Variants in HIPK3 observed in about 807,000 individuals in gnomAD.
HIPK3 encodes the protein homeodomain interacting protein kinase 3, also known as homeodomain-interacting protein kinase 3.
A neutral mutation model predicts 124.2 loss-of-function variants in HIPK3; 47 were observed. The observed-to-expected ratio is 0.38, with a 90% CI of 0.30 to 0.48. The LOEUF (loss-of-function observed/expected upper bound fraction) is 0.48. Ranked by LOEUF, HIPK3 falls within the 20% of genes least tolerant of loss-of-function variation. The probability of loss-of-function intolerance (pLI) is 0.98; values close to 1 mark genes in which losing one functional copy is unlikely to be tolerated. For missense variants in HIPK3, 1,286 were observed against 1,454.3 expected, an observed-to-expected ratio of 0.88 and a Z score of 1.88; for synonymous variants, 482 against 515.2, an observed-to-expected ratio of 0.94 and a Z score of 0.87.
At position 33,356,758 on chromosome 11, in the gene HIPK3, C is replaced by T. The variant is rs1475176118; in HGVS notation, c.*3190C>T. ...TTTGGTTTATTTGTTTTTGCTTTTA[C>T]TCCTATGCTACACTAGTTTGCCATG... On this transcript the variant is annotated 3_prime_UTR_variant, in exon 17 of 17. Transcript: ENST00000303296. 3 of 152,046 alleles carry T rather than the reference C, an allele frequency of 2.0e-5. No individual in the cohort carries two copies. The highest frequency in any genetic ancestry group is 2.9e-5 in the Non-Finnish European group (2 of 67,956). The allele number at this position is 152,046 out of a possible 1,614,324, so 9.4% of individuals were successfully genotyped here.
chr11:33,341,846 T>A (rs956573127), intron 8 of HIPK3, among the ~76,000 whole-genome samples, 160 bp downstream of exon 8: 2 of 152,188 alleles, frequency 1.3e-5, no homozygotes, highest in African/African-American at 4.8e-5. Context: ...ACGCCTGTAA[T>A]CCCAGCACTT....
chr11:33,258,205 G>GCCCCCC, intron 1 of HIPK3: 13 of 642,186 alleles, frequency 2.0e-5, no homozygotes, highest in Non-Finnish European at 2.5e-5. Flanking sequence ...GGGGGCCTCG[G>GCCCCCC]CCCCCCCTCC....
At chr11:33,340,227 G>T (rs1451784121) in intron 6 of HIPK3, among the ~76,000 whole-genome samples, 1 of 152,118 alleles carries the variant, frequency 6.6e-6, no homozygotes, top group Non-Finnish European at 1.5e-5. Context: ...GGGACTACAG[G>T]CATACGCCAC....
chr11:33,348,968 C>T, intron 13 of HIPK3, 150 bp downstream of exon 13: 1 of 928,320 alleles, frequency 1.1e-6, no homozygotes, highest in Non-Finnish European at 1.6e-6. Context: ...AGGGAACTTT[C>T]TAAATAACAT....
chr11:33,353,496 C>G lies in HIPK3; in HGVS notation c.3576C>G (p.Tyr1192Ter), dbSNP rs141882893. The change falls in exon 17 of 17, where the codon TAC becomes TAG. Residue 1192 changes from tyrosine to a stop codon, truncating the protein, a stop_gained. Transcript: ENST00000303296. LOFTEE classifies it high-confidence loss of function. ...AACCAATCTTCCCACCACATTCTTA[C>G]ATTGCAGCATCACCTGCATATACTG... ...QYKPIFPPHS[Y>*]IAASPAYTGF... 6.2e-7 allele frequency: 1 copy of G among 1,614,116 alleles called. No individual in the cohort carries two copies. The highest frequency in any genetic ancestry group is 8.5e-7 in the Non-Finnish European group (1 of 1,179,946).
At chr11:33,285,567 CAAAA>C (rs10573152) in intron 1 of HIPK3, among the ~76,000 whole-genome samples, 29,064 of 146,440 alleles carry the variant, frequency 0.2, 3,302 homozygotes, top group East Asian at 0.3. Flanking sequence ...AACTCTGTCT[CAAAA>C]AAAAAAAATA....
intron 2 of HIPK3, among the ~76,000 whole-genome samples, chr11:33,295,613 C>T (rs1208085360): frequency 6.6e-6 from 1 of 152,242 alleles, no homozygotes; most frequent in Non-Finnish European, 1.5e-5. Flanking sequence ...TTACATCTTT[C>T]TTTGCCTTCA....
intron 14 of HIPK3, among the ~76,000 whole-genome samples, chr11:33,350,730 G>A (rs1338998817): frequency 1.3e-5 from 2 of 152,042 alleles, no homozygotes; most frequent in Non-Finnish European, 2.9e-5. Context: ...TCTTATTTTA[G>A]TGGCAACAAA....
chr11:33,257,683 G>C lies in HIPK3; in HGVS notation c.-209G>C. The C allele has an allele frequency of 4.0e-6, 4 of 994,672 alleles. No individual in the cohort carries two copies. The highest frequency in any genetic ancestry group is 4.8e-6 in the Non-Finnish European group (4 of 836,846). The allele number at this position is 994,672 out of a possible 1,614,324, so 61.6% of individuals were successfully genotyped here. A position where few individuals can be genotyped will look rare whatever the true frequency, so the allele number is the denominator to read the frequency against. ...AGCAGCCAGAGCAGCAGCAGCAGCA[G>C]CAGCGGTCGGGGGAGGGTGTTTCGC... On this transcript the variant is annotated 5_prime_UTR_variant, in exon 1 of 17. Coordinates refer to ENST00000303296, the MANE Select transcript of HIPK3 (RefSeq NM_005734.5).
chr11:33,325,898 A>G (rs1345099149), intron 2 of HIPK3, among the ~76,000 whole-genome samples: 1 of 152,204 alleles, frequency 6.6e-6, no homozygotes, highest in Non-Finnish European at 1.5e-5. Flanking sequence ...ATACATCCAT[A>G]CACACACTTG....
chr11:33,349,642 G>A (rs894005893), intron 14 of HIPK3, among the ~76,000 whole-genome samples: 2 of 152,152 alleles, frequency 1.3e-5, no homozygotes, highest in Non-Finnish European at 2.9e-5. Flanking sequence ...GTAGAGATGG[G>A]ATCTTGCCCT....
Position 33,294,218 on chromosome 11 carries a change from T to C in HIPK3, c.1097+6707T>C, listed in dbSNP as rs1261178335. On this transcript the variant is annotated intron_variant, in intron 2 of 16. Transcript: ENST00000303296. ...AGAACAAGAGAAGTTTAAACTTTTT[T>C]AGTTCCTTTTTTTTCTTTAACTTTT... is the stretch of plus-strand genomic sequence containing the variant. 2.6e-5 allele frequency among the ~76,000 whole-genome samples: 4 copies of C among 152,126 alleles called. No homozygotes were observed. The South Asian group carries it at 6.2e-4, about 24-fold the overall frequency.
At chr11:33,347,270 T>G in intron 8 of HIPK3, 23 bp from the exon 9 acceptor site, 1 of 1,590,068 alleles carries the variant, frequency 6.3e-7, no homozygotes, top group East Asian at 2.2e-5. Flanking sequence ...TTTCTTTTAT[T>G]TGATAACTAT....
intron 3 of HIPK3, 93 bp downstream of exon 3, chr11:33,328,726 G>T: frequency 9.0e-7 from 1 of 1,105,762 alleles, no homozygotes; most frequent in Non-Finnish European, 1.3e-6. Context: ...ACAATACACT[G>T]GAAAGTCTTT....
chr11:33,331,772 T>A (rs1282774849), intron 3 of HIPK3, among the ~76,000 whole-genome samples: 2 of 152,236 alleles, frequency 1.3e-5, no homozygotes, highest in African/African-American at 2.4e-5. Context: ...TGAGCTCTTT[T>A]ATGTACTAGG....
chr11:33,258,018 C>A, intron 1 of HIPK3, 129 bp downstream of exon 1: 1 of 777,058 alleles, frequency 1.3e-6, no homozygotes, highest in Non-Finnish European at 1.6e-6. Flanking sequence ...AGCCCGCACT[C>A]ATTGCGCGTC....
rs375339434 is a variant in HIPK3 at position 33,354,772 on chromosome 11, A to G, written c.*1204A>G. The G allele has an allele frequency of 6.6e-6, 1 of 151,038 alleles. No individual in the cohort carries two copies. Among genetic ancestry groups the G allele is most frequent in the East Asian group, 1.9e-4 (1 of 5,152 alleles). 9.4% of individuals were successfully genotyped at this position (151,038 alleles called of 1,614,324 possible). On this transcript the variant is annotated 3_prime_UTR_variant, in exon 17 of 17. Coordinates refer to ENST00000303296, the MANE Select transcript of HIPK3 (RefSeq NM_005734.5). ...TGTTGGTGATGTTTGCTTATTTAATACATTCCGTCAGGGACAGAAATTACA... is the reference window on the plus strand; with the variant it reads ...TGTTGGTGATGTTTGCTTATTTAATGCATTCCGTCAGGGACAGAAATTACA...
At position 33,353,452 on chromosome 11, in the gene HIPK3, A is replaced by G. The variant is rs777014191; in HGVS notation, c.3532A>G (p.Ile1178Val). ...TCCCCGTCTGTTACCATCCCCAACCATTCATCAGACTCAGTACAAACCAAT... is the reference window on the plus strand; with the variant it reads ...TCCCCGTCTGTTACCATCCCCAACCGTTCATCAGACTCAGTACAAACCAAT... ...LNPRLLPSPT[I>V]HQTQYKPIFP... The change falls in exon 17 of 17, where the codon ATT (isoleucine) becomes GTT (valine). Residue 1178 changes from isoleucine to valine, a missense_variant. Coordinates refer to ENST00000303296, the MANE Select transcript of HIPK3 (RefSeq NM_005734.5). 6.2e-7 allele frequency: 1 copy of G among 1,613,834 alleles called. No individual in the cohort carries two copies. Among genetic ancestry groups the G allele is most frequent in the Non-Finnish European group, 8.5e-7 (1 of 1,179,728 alleles).
At chr11:33,344,445 A>G (rs1194396983) in intron 8 of HIPK3, among the ~76,000 whole-genome samples, 1 of 152,216 alleles carries the variant, frequency 6.6e-6, no homozygotes, top group Admixed American at 6.5e-5. Context: ...GCAAAAACTT[A>G]AAGAGACTTC....
Sources: gnomAD v4.1 joint callset for allele counts (sites outside exome capture counted in the v4.1 genomes callset) on GRCh38, gnomAD v4.1.1 for gene constraint, MANE v1.5 for transcripts, NCBI Gene and HGNC (gene_info 2026-07-23, HGNC 2026-07-21) for gene names.